Variants in RSRC1 observed in about 807,000 individuals in gnomAD.
The protein encoded by RSRC1 is serine/Arginine-related protein 53.
A neutral mutation model predicts 49.1 loss-of-function variants in RSRC1; 39 were observed. The observed-to-expected ratio is 0.79, with a 90% CI of 0.61 to 1.04. The LOEUF is 1.04. Among genes scored for constraint, RSRC1 ranks in the 50% least tolerant of loss-of-function variants. The pLI is 0.00. For missense variants in RSRC1, 388 were observed against 402.4 expected, an observed-to-expected ratio of 0.96 and a Z score of 0.31; for synonymous variants, 143 against 130.8, an observed-to-expected ratio of 1.09 and a Z score of -0.63.
chr3:158,182,775 C>A (rs937841972), intron 3 of RSRC1, among the ~76,000 whole-genome samples: 13 of 152,084 alleles, frequency 8.5e-5, no homozygotes, highest in Non-Finnish European at 1.9e-4. Flanking sequence ...ATTCTTCTCT[C>A]AAGGGTAGAT....
chr3:158,235,828 A>G (rs1426299187), intron 4 of RSRC1, among the ~76,000 whole-genome samples: 1 of 152,218 alleles, frequency 6.6e-6, no homozygotes, highest in African/African-American at 2.4e-5. Context: ...AATTAGAAAA[A>G]TAAACCAGGC....
intron 6 of RSRC1, among the ~76,000 whole-genome samples, chr3:158,453,382 CTT>C (rs11288276): frequency 1.1e-3 from 151 of 138,098 alleles, no homozygotes; most frequent in Middle Eastern, 3.5e-3. Context: ...AGCCCGGAAC[CTT>C]TTTTTTTTTT....
chr3:158,119,060 T>G (rs531116457), intron 1 of RSRC1, among the ~76,000 whole-genome samples: 1 of 152,298 alleles, frequency 6.6e-6, no homozygotes, highest in South Asian at 2.1e-4. Flanking sequence ...CTTTGATTCA[T>G]TTTTCTCCCC....
intron 3 of RSRC1, among the ~76,000 whole-genome samples, chr3:158,142,837 C>A (rs1168525389): frequency 2.0e-5 from 3 of 152,074 alleles, no homozygotes; most frequent in Non-Finnish European, 4.4e-5. Context: ...AAGAAAATGC[C>A]AGTTTTTTCA....
At chr3:158,170,449 A>C (rs1252341736) in intron 3 of RSRC1, among the ~76,000 whole-genome samples, 1 of 152,104 alleles carries the variant, frequency 6.6e-6, no homozygotes, top group Non-Finnish European at 1.5e-5. Context: ...TTGGTGCTTG[A>C]AAAGATCGAA....
chr3:158,119,329 A>G (rs990719172), intron 1 of RSRC1, among the ~76,000 whole-genome samples: 1 of 152,104 alleles, frequency 6.6e-6, no homozygotes, highest in African/African-American at 2.4e-5. Context: ...TAAATTCTCC[A>G]TGTGTTTTTC....
chr3:158,336,453 TG>T (rs1427509820), intron 5 of RSRC1: 11 of 158,664 alleles, frequency 6.9e-5, no homozygotes, highest in Non-Finnish European at 1.3e-4. Context: ...AGAGGGTCAC[TG>T]GGGTGAGACC....
At chr3:158,420,279 C>G (rs1578452944) in intron 6 of RSRC1, among the ~76,000 whole-genome samples, 1 of 151,912 alleles carries the variant, frequency 6.6e-6, no homozygotes, top group East Asian at 1.9e-4. Context: ...GTGTGGCACT[C>G]TTAATGAATA....
chr3:158,455,650 G>A (rs1737269684), intron 6 of RSRC1, among the ~76,000 whole-genome samples: 1 of 152,074 alleles, frequency 6.6e-6, no homozygotes, highest in Non-Finnish European at 1.5e-5. Context: ...AAACAGCCAT[G>A]GAGGGATTCT....
chr3:158,458,011 G>T (rs1417749610), intron 6 of RSRC1, among the ~76,000 whole-genome samples: 2 of 152,122 alleles, frequency 1.3e-5, no homozygotes, highest in Non-Finnish European at 2.9e-5. Flanking sequence ...ATGTTCTAAA[G>T]TGCAAATGGG....
In RSRC1 at chr3:158,150,382, A is replaced by G. The variant is rs182641705; in HGVS notation, c.320+26391A>G. ...TTACTTTGTATTTGGGGGAAATCAC[A>G]AAGCTGAGTATTTCTGACTTGAACA... On this transcript the variant is annotated intron_variant, in intron 3 of 9. Coordinates refer to ENST00000611884, the MANE Select transcript of RSRC1 (RefSeq NM_001271838.2). 2.0e-5 allele frequency among the ~76,000 whole-genome samples: 3 copies of G among 152,360 alleles called. No individual in the cohort carries two copies. In the East Asian group the frequency reaches 5.8e-4, roughly 29 times the overall value.
chr3:158,394,364 A>G (rs1006950493), intron 6 of RSRC1, among the ~76,000 whole-genome samples: 1 of 152,060 alleles, frequency 6.6e-6, no homozygotes, highest in Non-Finnish European at 1.5e-5. Context: ...AAGTCAAACT[A>G]TCTGTTTGCA....
At position 158,453,267 on chromosome 3, in the gene RSRC1, A is replaced by T. The variant is rs1342730508; in HGVS notation, c.584-7668A>T. Among the ~76,000 whole-genome samples, 4 of 151,630 alleles carry T rather than the reference A, an allele frequency of 2.6e-5. 1 individual carries two copies. The highest frequency in any genetic ancestry group is 9.8e-5 in the African/African-American group (4 of 40,948). ...TTCAAACTCTTGTGCACACATTTTC[A>T]AACTCTTGTGCACACATATCTATAG... On this transcript the variant is annotated intron_variant, in intron 6 of 9. Coordinates refer to ENST00000611884, the MANE Select transcript of RSRC1 (RefSeq NM_001271838.2).
intron 2 of RSRC1, 54 bp from the exon 3 acceptor site, chr3:158,123,812 A>G: frequency 6.5e-7 from 1 of 1,530,362 alleles, no homozygotes; most frequent in Non-Finnish European, 8.8e-7. Flanking sequence ...TTTTTCCTTA[A>G]TGCTCATAAT....
intron 3 of RSRC1, among the ~76,000 whole-genome samples, chr3:158,141,258 A>T (rs1716734202): frequency 6.6e-6 from 1 of 152,176 alleles, no homozygotes; most frequent in Admixed American, 6.5e-5. Flanking sequence ...TTTTTGGATC[A>T]TGGCAGGAAA....
At chr3:158,304,480 T>C (rs558683857) in intron 5 of RSRC1, among the ~76,000 whole-genome samples, 2 of 152,280 alleles carry the variant, frequency 1.3e-5, no homozygotes, top group African/African-American at 2.4e-5. Context: ...CTCTAAACTT[T>C]CGTCTGTAGC....
chr3:158,338,010 A>G (rs1288635032), intron 5 of RSRC1, among the ~76,000 whole-genome samples: 2 of 152,186 alleles, frequency 1.3e-5, no homozygotes, highest in African/African-American at 4.8e-5. Flanking sequence ...ATGGCTATGT[A>G]TTTGTATAGT....
chr3:158,440,822 A>T (rs1297632007), intron 6 of RSRC1, among the ~76,000 whole-genome samples: 1 of 151,988 alleles, frequency 6.6e-6, no homozygotes, highest in Non-Finnish European at 1.5e-5. Flanking sequence ...GCTGCCTGTA[A>T]TCCCAGCTAC....
At position 158,386,412 on chromosome 3, in the gene RSRC1, A is replaced by G. The variant is rs531356267; in HGVS notation, c.583+31504A>G. 4.6e-5 allele frequency among the ~76,000 whole-genome samples: 7 copies of G among 152,208 alleles called. No homozygotes were observed. In the South Asian group the frequency reaches 6.2e-4, roughly 14 times the overall value. ...TAATACATTTTAGTTTTGACAACAA[A>G]GTAAATCCCTCTTTGCCCAATTTAT... On this transcript the variant is annotated intron_variant, in intron 6 of 9. Transcript: ENST00000611884.
Sources: gnomAD v4.1 joint callset for allele counts (sites outside exome capture counted in the v4.1 genomes callset) on GRCh38, gnomAD v4.1.1 for gene constraint, MANE v1.5 for transcripts, NCBI Gene and HGNC (gene_info 2026-07-23, HGNC 2026-07-21) for gene names.